The following INPP4B variants were observed in gnomAD, a reference collection of about 807,000 sequenced individuals.
INPP4B encodes the protein inositol polyphosphate-4-phosphatase type II B.
Under a neutral mutation model 122.5 loss-of-function variants are expected in INPP4B, and 55 were observed. The observed-to-expected ratio is 0.45, with a 90% CI of 0.36 to 0.56. INPP4B has a LOEUF of 0.56. Ranked by LOEUF, INPP4B falls within the 20% of genes least tolerant of loss-of-function variation. The pLI is 0.00. For synonymous variants in INPP4B, 403 were observed against 388.7 expected (o/e 1.04, Z -0.43); for missense variants, 1,000 against 1,097.7 (o/e 0.91, Z 1.26).
intron 2 of INPP4B, among the ~76,000 whole-genome samples, chr4:142,686,577 C>A (rs2150704426): frequency 6.6e-6 from 1 of 152,126 alleles, no homozygotes; most frequent in East Asian, 1.9e-4. Context: ...ATCAAGGATC[C>A]CGAAAATATT....
intron 9 of INPP4B, among the ~76,000 whole-genome samples, chr4:142,299,713 C>T (rs1408557355): frequency 6.6e-6 from 1 of 151,894 alleles, no homozygotes. Context: ...TTTCTATTGA[C>T]CTTATTTAAT....
At chr4:142,520,866 T>G (rs575748855) in intron 2 of INPP4B, among the ~76,000 whole-genome samples, 19 of 151,972 alleles carry the variant, frequency 1.3e-4, no homozygotes, top group Non-Finnish European at 2.4e-4. Context: ...CTGGCAAAGT[T>G]TTGGCATAAA....
chr4:142,479,499 A>C (rs1222013296), intron 2 of INPP4B, among the ~76,000 whole-genome samples: 1 of 152,186 alleles, frequency 6.6e-6, no homozygotes, highest in Non-Finnish European at 1.5e-5. Flanking sequence ...TACGATAAAC[A>C]CACATGCACA....
At chr4:142,553,508 G>C (rs1377260457) in intron 2 of INPP4B, among the ~76,000 whole-genome samples, 2 of 152,170 alleles carry the variant, frequency 1.3e-5, no homozygotes, top group Non-Finnish European at 2.9e-5. Flanking sequence ...CAAAGGGCTA[G>C]AGAATTGTTG....
chr4:142,536,295 T>C (rs1828188104), intron 2 of INPP4B, among the ~76,000 whole-genome samples: 1 of 152,184 alleles, frequency 6.6e-6, no homozygotes, highest in Admixed American at 6.5e-5. Context: ...TAATCTCTCT[T>C]TTCTCTGTGT....
intron 22 of INPP4B, 66 bp from the exon 23 acceptor site, chr4:142,108,256 CT>C: frequency 1.2e-6 from 1 of 807,774 alleles, no homozygotes; most frequent in Non-Finnish European, 2.1e-6. Context: ...CACATTTTAC[CT>C]TTCCTTTTTA....
intron 9 of INPP4B, among the ~76,000 whole-genome samples, chr4:142,298,562 A>C (rs1228586832): frequency 6.6e-6 from 1 of 151,428 alleles, no homozygotes; most frequent in Non-Finnish European, 1.5e-5. Context: ...GTGGGCGCCT[A>C]TAATCCCAGC....
intron 25 of INPP4B, among the ~76,000 whole-genome samples, chr4:142,030,486 A>T (rs911641459): frequency 7.2e-5 from 11 of 152,306 alleles, no homozygotes; most frequent in African/African-American, 2.6e-4. Context: ...ATTGTACTAC[A>T]TGGGCAAAGG....
chr4:142,311,416 G>T (rs900660917), intron 8 of INPP4B, among the ~76,000 whole-genome samples: 5 of 152,108 alleles, frequency 3.3e-5, no homozygotes, highest in Admixed American at 1.3e-4. Flanking sequence ...TATTATTACA[G>T]TAATTTCTAG....
chr4:142,739,563 A>G (rs1474653395), intron 1 of INPP4B, among the ~76,000 whole-genome samples: 1 of 152,010 alleles, frequency 6.6e-6, no homozygotes, highest in African/African-American at 2.4e-5. Context: ...AAAATTATCA[A>G]TGTAACATAC....
At position 142,624,569 on chromosome 4, in the gene INPP4B, C is replaced by A. The variant is rs1259327637; in HGVS notation, c.-191+101270G>T. ...CAGAGGTACAAGAAGGAACTTGTAC[C>A]ATTCCTTCTGAAACTATTCCAATCA... On this transcript the variant is annotated intron_variant, in intron 2 of 25. Coordinates refer to ENST00000262992, the MANE Select transcript of INPP4B (RefSeq NM_001101669.3). Among the ~76,000 whole-genome samples the A allele has an allele frequency of 2.0e-5, 3 of 152,202 alleles. No individual in the cohort carries two copies. The South Asian group carries it at 6.2e-4, about 32-fold the overall frequency.
intron 2 of INPP4B, among the ~76,000 whole-genome samples, chr4:142,711,064 C>T (rs181786243): frequency 6.6e-6 from 1 of 152,288 alleles, no homozygotes; most frequent in East Asian, 1.9e-4. Context: ...TCTTCTGGGC[C>T]CCATTACTAT....
chr4:142,157,155 T>A (rs1255214041), intron 17 of INPP4B, among the ~76,000 whole-genome samples: 1 of 152,176 alleles, frequency 6.6e-6, no homozygotes, highest in Non-Finnish European at 1.5e-5. Context: ...ATGTTTCTAA[T>A]TCATTTAATA....
At chr4:142,720,711 T>C (rs985126601) in intron 2 of INPP4B, among the ~76,000 whole-genome samples, 1 of 125,038 alleles carries the variant, frequency 8.0e-6, no homozygotes, top group Non-Finnish European at 1.6e-5. Flanking sequence ...AACAGCCAAC[T>C]GTATATGTGT....
At chr4:142,416,850 A>C (rs1805878656) in intron 5 of INPP4B, among the ~76,000 whole-genome samples, 1 of 152,204 alleles carries the variant, frequency 6.6e-6, no homozygotes, top group African/African-American at 2.4e-5. Flanking sequence ...GACTCACAGG[A>C]AATAAAACAA....
intron 3 of INPP4B, among the ~76,000 whole-genome samples, chr4:142,442,421 A>G (rs1325352670): frequency 6.6e-6 from 1 of 151,100 alleles, no homozygotes; most frequent in Non-Finnish European, 1.5e-5. Flanking sequence ...CAAAAAAAAA[A>G]AAAAAAAAAG....
intron 2 of INPP4B, among the ~76,000 whole-genome samples, chr4:142,695,214 A>G (rs933195111): frequency 6.6e-6 from 1 of 152,166 alleles, no homozygotes; most frequent in Non-Finnish European, 1.5e-5. Flanking sequence ...CTATTTCAGA[A>G]TAGCATAAAG....
intron 2 of INPP4B, among the ~76,000 whole-genome samples, chr4:142,522,067 C>A (rs998873832): frequency 1.3e-5 from 2 of 152,102 alleles, no homozygotes; most frequent in Non-Finnish European, 2.9e-5. Flanking sequence ...TATTTCTCCT[C>A]TACTGGATTC....
chr4:142,672,419 T>C (rs545047874), intron 2 of INPP4B, among the ~76,000 whole-genome samples: 2 of 152,202 alleles, frequency 1.3e-5, no homozygotes, highest in African/African-American at 4.8e-5. Flanking sequence ...CAGTGGTTTT[T>C]TGGTGGTGTT....
Sources: allele counts gnomAD v4.1 joint callset (sites outside exome capture counted in the v4.1 genomes callset), GRCh38; gene constraint gnomAD v4.1.1; transcripts MANE v1.5; gene names NCBI Gene and HGNC (gene_info 2026-07-23, HGNC 2026-07-21).